BRCA1: variants seen among roughly 807,000 people sequenced by gnomAD.
The protein encoded by BRCA1 is BRCA1 DNA repair associated.
Under a neutral mutation model 173.7 loss-of-function variants are expected in BRCA1, and 140 were observed. That is an observed-to-expected ratio of 0.81 (90% CI 0.70 to 0.93). BRCA1 has a LOEUF of 0.93. BRCA1 is among the 40% of genes least tolerant of loss of function. The pLI, the probability that BRCA1 is intolerant of heterozygous loss-of-function variation, is 0.00. For missense variants in BRCA1, 1,983 were observed against 2,172.5 expected (o/e 0.91, Z 1.73); for synonymous variants, 662 against 756.0 (o/e 0.88, Z 2.04).
In BRCA1 at chr17:43,093,309, G is replaced by A. The variant is rs80357051; in HGVS notation, c.2222C>T (p.Ser741Phe). 1.9e-6 allele frequency: 3 copies of A among 1,613,996 alleles called. No individual in the cohort carries two copies. The highest frequency in any genetic ancestry group is 2.5e-6 in the Non-Finnish European group (3 of 1,179,980). Residue 741 changes from serine (S) to phenylalanine (F), a missense_variant, in exon 10 of 23, where the codon TCT becomes TTT. Physicochemically the swap from Ser to Phe is radical, Grantham distance 155. Coordinates refer to ENST00000357654, the MANE Select transcript of BRCA1 (RefSeq NM_007294.4). ...ATCTTTGGGGTCTTCAGCATTATTAGACACTTTAACTGTTTCTAGTTTCTC... is the reference window on the plus strand; with the variant it reads ...ATCTTTGGGGTCTTCAGCATTATTAAACACTTTAACTGTTTCTAGTTTCTC... The part of the protein sequence containing the change: ...KEEKLETVKV[S>F]NNAEDPKDLM...
At chr17:43,138,390 CAG>C (rs774101303) in intron 1 of BRCA1, 15 of 528,840 alleles carry the variant, frequency 2.8e-5, no homozygotes, top group African/African-American at 3.8e-5. Context: ...CCAATCAACT[CAG>C]GGCATGGTTG....
Position 43,145,329 on chromosome 17 carries a change from C to CTTTCTTTT in BRCA1, c.-19-21215_-19-21214insAAAAGAAA, listed in dbSNP as rs34302247. 1.9e-5 allele frequency: 8 copies of CTTTCTTTT among 414,860 alleles called. 1 individual carries two copies. Among genetic ancestry groups the CTTTCTTTT allele is most frequent in the Middle Eastern group, 6.2e-4 (1 of 1,618 alleles). The allele number at this position is 414,860 out of a possible 1,614,324, so 25.7% of individuals were successfully genotyped here. On this transcript the variant is annotated intron_variant, in intron 1 of 7. Transcript: ENST00000634433. ...CAATTCAGAGGAATTTTTTTTCTTT[C>CTTTCTTTT]TTTTTTTTTTTTTTTGAGACAGAGT...
At chr17:43,056,814 C>G (rs559522690) in intron 19 of BRCA1, among the ~76,000 whole-genome samples, 1 of 152,170 alleles carries the variant, frequency 6.6e-6, no homozygotes, top group African/African-American at 2.4e-5. Context: ...GAACCCGAGA[C>G]GGGAATCCAA....
At chr17:43,079,826 A>T (rs1168700621) in intron 12 of BRCA1, 1 of 717,858 alleles carries the variant, frequency 1.4e-6, no homozygotes, top group African/African-American at 1.8e-5. Context: ...TGTAAAAAAA[A>T]AGAAAAGTCA....
At chr17:43,066,771 G>A (rs1052214307) in intron 16 of BRCA1, among the ~76,000 whole-genome samples, 1 of 150,244 alleles carries the variant, frequency 6.7e-6, no homozygotes, top group Non-Finnish European at 1.5e-5. Flanking sequence ...CAGGTAGATA[G>A]GAGTTAATAG....
intron 22 of BRCA1, among the ~76,000 whole-genome samples, chr17:43,046,757 CAAA>C (rs370148636): frequency 9.4e-6 from 1 of 105,992 alleles, no homozygotes; most frequent in Non-Finnish European, 1.9e-5. Flanking sequence ...GACTCCACCT[CAAA>C]AAAAAAAAAA....
upstream of BRCA1, among the ~76,000 whole-genome samples, chr17:43,129,630 C>T (rs1158012789): frequency 2.0e-5 from 3 of 152,116 alleles, no homozygotes; most frequent in South Asian, 2.1e-4. Flanking sequence ...CCCGCCATCA[C>T]GCCCAGCTAA....
At chr17:43,089,452 C>A (rs190124246) in intron 11 of BRCA1, among the ~76,000 whole-genome samples, 270 of 152,044 alleles carry the variant, frequency 1.8e-3, no homozygotes, top group African/African-American at 6.2e-3. Flanking sequence ...ATTACATTAT[C>A]AAATGGTCAT....
chr17:43,149,373 TACAGGTGTGAGCCACCATGC>T (rs1707227316), intron 1 of BRCA1, among the ~76,000 whole-genome samples: 1 of 151,974 alleles, frequency 6.6e-6, no homozygotes, highest in East Asian at 1.9e-4. Flanking sequence ...GTGCTGGGAT[TACAGGTGTGAGCCACCATGC>T]CCAGCCAATT....
intron 11 of BRCA1, among the ~76,000 whole-genome samples, chr17:43,085,968 C>T (rs2053213262): frequency 6.6e-6 from 1 of 152,082 alleles, no homozygotes; most frequent in East Asian, 1.9e-4. Flanking sequence ...CAAATAGTGG[C>T]TTTATCATGC....
Position 43,073,665 on chromosome 17 carries a change from C to A in BRCA1, c.4675+666G>T, listed in dbSNP as rs568154063. Among the ~76,000 whole-genome samples, 33 of 152,136 alleles carry A rather than the reference C, an allele frequency of 2.2e-4. No individual in the cohort carries two copies. The East Asian group carries it at 6.0e-3, about 28-fold the overall frequency. On this transcript the variant is annotated intron_variant, in intron 14 of 22. Transcript: ENST00000357654. ...AAAAAACTTGCTTTGGGATTTGACT[C>A]ATTTTCTAATAAAGGACTGGCCTAA...
At chr17:43,075,452 C>T (rs982244225) in intron 13 of BRCA1, among the ~76,000 whole-genome samples, 2 of 152,158 alleles carry the variant, frequency 1.3e-5, no homozygotes, top group Non-Finnish European at 2.9e-5. Flanking sequence ...ATTTAAAGGG[C>T]CTCAGAGGTT....
intron 1 of BRCA1, among the ~76,000 whole-genome samples, chr17:43,154,354 G>T (rs1361412145): frequency 1.3e-5 from 2 of 151,918 alleles, no homozygotes; most frequent in Non-Finnish European, 2.9e-5. Flanking sequence ...CATGGTGGCA[G>T]GCGCCTGTAA....
At chr17:43,046,609 C>T (rs1199002480) in intron 22 of BRCA1, among the ~76,000 whole-genome samples, 1 of 151,848 alleles carries the variant, frequency 6.6e-6, no homozygotes, top group African/African-American at 2.4e-5. Context: ...GCCATATTGG[C>T]CAGGCTGGTC....
At chr17:43,064,000 G>A in intron 16 of BRCA1, 49 bp from the exon 17 acceptor site, 2 of 1,547,830 alleles carry the variant, frequency 1.3e-6, no homozygotes, top group Non-Finnish European at 1.8e-6. Flanking sequence ...AACAAAATCA[G>A]GAAGTGCTGT....
At chr17:43,078,210 A>G (rs80346747) in intron 12 of BRCA1, among the ~76,000 whole-genome samples, 1 of 151,950 alleles carries the variant, frequency 6.6e-6, no homozygotes, top group Non-Finnish European at 1.5e-5. Flanking sequence ...TAGCCTCCCA[A>G]GAAGATGGGA....
intron 1 of BRCA1, among the ~76,000 whole-genome samples, chr17:43,139,255 A>G (rs1373761603): frequency 8.4e-6 from 1 of 119,252 alleles, no homozygotes; most frequent in African/African-American, 3.2e-5. Flanking sequence ...CTTTTATTTT[A>G]GATTAGGGGA....
At chr17:43,153,323 A>T (rs2056175087) in intron 1 of BRCA1, among the ~76,000 whole-genome samples, 1 of 152,230 alleles carries the variant, frequency 6.6e-6, no homozygotes. Context: ...TCCTTTAAAA[A>T]TTAACTGCCT....
rs781435355 is a variant in BRCA1, at chr17:43,092,471, T to C, written c.3060A>G (p.Pro1020=). The part of the protein sequence containing the change: ...PEREMGNENI[P]STVSTISRNN... ...TACGGCTAATTGTGCTCACTGTACT[T>C]GGAATGTTCTCATTTCCCATTTCTC... The change falls in exon 10 of 23, where the codon CCA becomes CCG. Residue 1020 remains proline (P), a synonymous_variant. Transcript: ENST00000357654. 3.1e-6 allele frequency: 5 copies of C among 1,613,916 alleles called. No individual in the cohort carries two copies. In the East Asian group the frequency reaches 1.1e-4, roughly 36 times the overall value.
Sources: allele counts gnomAD v4.1 joint callset (sites outside exome capture counted in the v4.1 genomes callset), GRCh38; gene constraint gnomAD v4.1.1; transcripts MANE v1.5; gene names NCBI Gene and HGNC (gene_info 2026-07-23, HGNC 2026-07-21).